STON2: variants seen among roughly 807,000 people sequenced by gnomAD.
The protein encoded by STON2 is stonin-2.
STON2 carries 29 observed loss-of-function variants against 65.7 expected under a neutral mutation model. That is an observed-to-expected ratio of 0.44 (90% CI 0.33 to 0.60). The LOEUF is 0.60. Among genes scored for constraint, STON2 ranks in the 20% least tolerant of loss-of-function variants. The probability of loss-of-function intolerance (pLI) is 0.03; values close to 1 mark genes in which losing one functional copy is unlikely to be tolerated. For synonymous variants in STON2, 404 were observed against 414.2 expected, an observed-to-expected ratio of 0.98 and a Z score of 0.30; for missense variants, 1,054 against 1,118.1, an observed-to-expected ratio of 0.94 and a Z score of 0.82.
chr14:81,425,029 C>G (rs1485133667), intron 2 of STON2, among the ~76,000 whole-genome samples: 1 of 152,202 alleles, frequency 6.6e-6, no homozygotes, highest in Non-Finnish European at 1.5e-5. Flanking sequence ...GTCTCACTGA[C>G]AGTAACTCTT....
chr14:81,285,669 G>A (rs1895304847), intron 5 of STON2, among the ~76,000 whole-genome samples: 1 of 152,158 alleles, frequency 6.6e-6, no homozygotes, highest in Admixed American at 6.5e-5. Context: ...TACTCCTGGT[G>A]AAGATGCTGT....
intron 3 of STON2, among the ~76,000 whole-genome samples, chr14:81,378,980 C>G (rs1053091090): frequency 1.4e-5 from 2 of 147,708 alleles, no homozygotes; most frequent in Non-Finnish European, 2.9e-5. Context: ...AGATTCTGAT[C>G]AAGATGGTGA....
chr14:81,382,440 T>C (rs2140398809), intron 3 of STON2, among the ~76,000 whole-genome samples: 1 of 152,076 alleles, frequency 6.6e-6, no homozygotes, highest in Admixed American at 6.5e-5. Flanking sequence ...ATATATAAAG[T>C]TCAAAACCAG....
intron 2 of STON2, among the ~76,000 whole-genome samples, chr14:81,415,825 T>C (rs1298268195): frequency 3.3e-4 from 50 of 152,290 alleles, no homozygotes; most frequent in Non-Finnish European, 4.4e-5. Flanking sequence ...AAAATCATAA[T>C]ATTTTTCTAA....
At position 81,371,191 on chromosome 14, in the gene STON2, G is replaced by A; in HGVS notation, c.374-6C>T. On this transcript the variant is annotated splice_region_variant and splice_polypyrimidine_tract_variant and intron_variant, in intron 3 of 7. Coordinates refer to ENST00000614646, the MANE Select transcript of STON2 (RefSeq NM_001394390.1). ...GGGCATGGTCAATGGTAGGGCTGGG[G>A]AGAGACCAAAAACCAAAAGCATACA... The A allele has an allele frequency of 6.2e-7, 1 of 1,613,348 alleles. No individual in the cohort carries two copies. Among genetic ancestry groups the A allele is most frequent in the South Asian group, 1.1e-5 (1 of 90,936 alleles).
At chr14:81,400,753 A>C (rs527362991), upstream of STON2, among the ~76,000 whole-genome samples, 2 of 152,330 alleles carry the variant, frequency 1.3e-5, no homozygotes, top group African/African-American at 4.8e-5. Flanking sequence ...GATTGTGATC[A>C]CAGGCCCAGG....
intron 4 of STON2, among the ~76,000 whole-genome samples, chr14:81,370,243 C>T (rs1225634561): frequency 1.3e-5 from 2 of 152,158 alleles, no homozygotes; most frequent in African/African-American, 4.8e-5. Flanking sequence ...CACAGAGAAA[C>T]GAGCAGTAAC....
At chr14:81,404,176 A>G (rs1900737534), upstream of STON2, among the ~76,000 whole-genome samples, 1 of 152,206 alleles carries the variant, frequency 6.6e-6, no homozygotes, top group Non-Finnish European at 1.5e-5. Context: ...GAAAATCTAG[A>G]TATAGGGAAA....
rs902635003 is a variant in STON2, at chr14:81,266,775, C to G, written c.*1639G>C. On this transcript the variant is annotated 3_prime_UTR_variant, in exon 8 of 8. Transcript: ENST00000614646. Reference sequence around the variant, plus strand: ...TATTTCTCTATAAACTACCGTGAAACCAGGTCTTCCTAACACCGTTCCCAT... The same window carrying G: ...TATTTCTCTATAAACTACCGTGAAAGCAGGTCTTCCTAACACCGTTCCCAT... 10 of 983,802 alleles carry G rather than the reference C, an allele frequency of 1.0e-5. No individual in the cohort carries two copies. Among genetic ancestry groups the G allele is most frequent in the Admixed American group, 1.2e-4 (2 of 16,086 alleles). The allele number at this position is 983,802 out of a possible 1,614,324, so 60.9% of individuals were successfully genotyped here. A position where few individuals can be genotyped will look rare whatever the true frequency, so the allele number is the denominator to read the frequency against.
At chr14:81,373,437 A>G (rs1396905634) in intron 3 of STON2, among the ~76,000 whole-genome samples, 3 of 152,216 alleles carry the variant, frequency 2.0e-5, no homozygotes, top group African/African-American at 7.2e-5. Flanking sequence ...GCCATTTCCT[A>G]TAGTATGGTG....
chr14:81,313,836 C>CAA (rs1208307748), intron 5 of STON2, among the ~76,000 whole-genome samples: 9 of 144,514 alleles, frequency 6.2e-5, no homozygotes, highest in Admixed American at 6.7e-5. Flanking sequence ...CACACACACA[C>CAA]ACACTAATGA....
chr14:81,317,302 A>C (rs1461032593), intron 5 of STON2, among the ~76,000 whole-genome samples: 1 of 152,210 alleles, frequency 6.6e-6, no homozygotes, highest in Non-Finnish European at 1.5e-5. Flanking sequence ...CCCAGGACCC[A>C]AACCTCCCAC....
chr14:81,357,330 C>T (rs1474407554), intron 4 of STON2, among the ~76,000 whole-genome samples: 8 of 152,110 alleles, frequency 5.3e-5, no homozygotes, highest in Non-Finnish European at 8.8e-5. Flanking sequence ...CAGAGAAATG[C>T]AAATCAAAAC....
At chr14:81,336,809 A>T (rs1300415373) in intron 4 of STON2, among the ~76,000 whole-genome samples, 2 of 152,166 alleles carry the variant, frequency 1.3e-5, no homozygotes, top group African/African-American at 2.4e-5. Flanking sequence ...GGTTGGAGTG[A>T]GTGAATGAAT....
intron 4 of STON2, among the ~76,000 whole-genome samples, chr14:81,351,520 G>A (rs144986669): frequency 8.5e-5 from 13 of 152,250 alleles, no homozygotes; most frequent in African/African-American, 3.1e-4. Flanking sequence ...AACTGTGTGA[G>A]AGAAAACATT....
rs1470417413 is a variant in STON2 at position 81,267,243 on chromosome 14, C to T, written c.*1171G>A. The T allele has an allele frequency of 2.0e-5, 20 of 985,172 alleles. No homozygotes were observed. Among genetic ancestry groups the T allele is most frequent in the Non-Finnish European group, 2.4e-5 (20 of 829,862 alleles). The allele number at this position is 985,172 out of a possible 1,614,324, so 61.0% of individuals were successfully genotyped here. A position where few individuals can be genotyped will look rare whatever the true frequency, so the allele number is the denominator to read the frequency against. On this transcript the variant is annotated 3_prime_UTR_variant, in exon 8 of 8. Coordinates refer to ENST00000614646, the MANE Select transcript of STON2 (RefSeq NM_001394390.1). ...ATGAAGAAAAAGAAGATGGAGTGAG[C>T]GTTCTGACTCTTGGAATCAGAATAT...
At chr14:81,285,483 T>C (rs551673111) in intron 5 of STON2, among the ~76,000 whole-genome samples, 1 of 152,330 alleles carries the variant, frequency 6.6e-6, no homozygotes, top group South Asian at 2.1e-4. Flanking sequence ...CTTTTCTTTT[T>C]CCTTTTTATG....
intron 2 of STON2, among the ~76,000 whole-genome samples, chr14:81,397,591 G>A (rs141641825): frequency 7.4e-4 from 112 of 152,214 alleles, no homozygotes; most frequent in African/African-American, 2.3e-3. Context: ...TATAAATGAC[G>A]GTGGGATGAC....
intron 1 of STON2, among the ~76,000 whole-genome samples, chr14:81,431,557 T>C (rs1329995437): frequency 2.6e-5 from 4 of 152,062 alleles, no homozygotes; most frequent in Admixed American, 2.0e-4. Context: ...GGTGGACACA[T>C]TACCTGAGAT....
Sources: gnomAD v4.1 joint callset for allele counts (sites outside exome capture counted in the v4.1 genomes callset) on GRCh38, gnomAD v4.1.1 for gene constraint, MANE v1.5 for transcripts, NCBI Gene and HGNC (gene_info 2026-07-23, HGNC 2026-07-21) for gene names.